The following LGSN variants were observed in gnomAD, a reference collection of about 807,000 sequenced individuals.
LGSN encodes the protein lengsin, lens protein with glutamine synthetase domain.
Under a neutral mutation model 19.5 loss-of-function variants are expected in LGSN, and 21 were observed. The observed-to-expected ratio is 1.07, with a 90% CI of 0.76 to 1.55. The LOEUF is 1.55. LGSN is among the 40% of genes most tolerant of loss of function. LGSN has a pLI of 0.00. For missense variants in LGSN, 673 were observed against 608.5 expected (o/e 1.11, Z -1.12); for synonymous variants, 257 against 215.6 (o/e 1.19, Z -1.68).
chr6:63,313,837 AAAATAAATAAAT>A (rs56286412), intron 1 of LGSN, among the ~76,000 whole-genome samples: 12 of 147,652 alleles, frequency 8.1e-5, no homozygotes, highest in South Asian at 4.3e-4. Context: ...CCCTGTCTCA[AAAATAAATAAAT>A]AAATAAATAA....
chr6:63,372,696 A>G, the LGSN span, among the ~76,000 whole-genome samples: 1 of 152,184 alleles, frequency 6.6e-6, no homozygotes, highest in Non-Finnish European at 1.5e-5. Context: ...TATATCAGCA[A>G]AGTCCTTATC....
At chr6:63,559,809 C>T in the LGSN span, among the ~76,000 whole-genome samples, 1 of 152,224 alleles carries the variant, frequency 6.6e-6, no homozygotes, top group East Asian at 1.9e-4. Context: ...AATACTAGCA[C>T]TTTGGGAGTC....
chr6:63,460,874 C>T, the LGSN span, among the ~76,000 whole-genome samples: 17 of 152,274 alleles, frequency 1.1e-4, no homozygotes, highest in African/African-American at 4.1e-4. Context: ...ACACCCAAAA[C>T]AGTAGCCAAT....
At chr6:63,517,469 A>G in the LGSN span, among the ~76,000 whole-genome samples, 1 of 152,338 alleles carries the variant, frequency 6.6e-6, no homozygotes, top group Non-Finnish European at 1.5e-5. Flanking sequence ...AAAGGTATGC[A>G]CACATGATGC....
chr6:63,315,213 G>C (rs1375652150), intron 1 of LGSN, among the ~76,000 whole-genome samples: 1 of 152,140 alleles, frequency 6.6e-6, no homozygotes, highest in Non-Finnish European at 1.5e-5. Context: ...CCATGTTGAA[G>C]TATAAGGCCA....
chr6:63,549,303 A>T, the LGSN span: 2 of 753,932 alleles, frequency 2.7e-6, 1 homozygote, highest in South Asian at 2.7e-5. Context: ...CTTACAGAGG[A>T]TGGCTCTCTG....
At chr6:63,378,516 A>G in the LGSN span, among the ~76,000 whole-genome samples, 1 of 152,216 alleles carries the variant, frequency 6.6e-6, no homozygotes, top group Non-Finnish European at 1.5e-5. Flanking sequence ...TGAGTAATTT[A>G]TAAAGAAAAT....
chr6:63,289,039 C>T (rs1281549837), intron 2 of LGSN, among the ~76,000 whole-genome samples: 1 of 152,230 alleles, frequency 6.6e-6, no homozygotes, highest in Non-Finnish European at 1.5e-5. Flanking sequence ...ACACTGTATA[C>T]TCACATGTTC....
chr6:63,346,309 C>T, the LGSN span, among the ~76,000 whole-genome samples: 1 of 151,914 alleles, frequency 6.6e-6, no homozygotes, highest in Non-Finnish European at 1.5e-5. Flanking sequence ...ACCCCACCAT[C>T]GTCCTGAAAG....
At chr6:63,569,731 T>C in the LGSN span, among the ~76,000 whole-genome samples, 1 of 152,224 alleles carries the variant, frequency 6.6e-6, no homozygotes, top group South Asian at 2.1e-4. Context: ...GAGAAAATCC[T>C]CTATTTTAGA....
chr6:63,568,102 A>C, the LGSN span, among the ~76,000 whole-genome samples: 1 of 152,182 alleles, frequency 6.6e-6, no homozygotes, highest in Non-Finnish European at 1.5e-5. Context: ...ATCAACAATG[A>C]GGCTGTTTCA....
chr6:63,404,266 A>G, the LGSN span, among the ~76,000 whole-genome samples: 10 of 152,214 alleles, frequency 6.6e-5, no homozygotes, highest in Non-Finnish European at 1.5e-4. Flanking sequence ...AACTTAAAAT[A>G]CAATCATGGG....
the LGSN span, among the ~76,000 whole-genome samples, chr6:63,379,928 C>T: frequency 6.6e-6 from 1 of 152,016 alleles, no homozygotes; most frequent in African/African-American, 2.4e-5. Flanking sequence ...ACCTCTGCCT[C>T]CCGAGTTCAA....
chr6:63,332,176 G>A, the LGSN span, among the ~76,000 whole-genome samples: 11 of 152,260 alleles, frequency 7.2e-5, 1 homozygote, highest in East Asian at 1.9e-3. Context: ...GGCAAAAATT[G>A]TGTCTTTCTG....
the LGSN span, among the ~76,000 whole-genome samples, chr6:63,499,813 T>C: frequency 6.6e-6 from 1 of 152,108 alleles, no homozygotes; most frequent in Non-Finnish European, 1.5e-5. Context: ...AGGTTGTATT[T>C]GGAATTAGCA....
chr6:63,429,242 G>A, the LGSN span, among the ~76,000 whole-genome samples: 2 of 152,070 alleles, frequency 1.3e-5, no homozygotes, highest in Admixed American at 6.6e-5. Context: ...TAAATATTGG[G>A]ACTATATGAA....
chr6:63,464,795 GGCA>G, the LGSN span, among the ~76,000 whole-genome samples: 1 of 151,938 alleles, frequency 6.6e-6, no homozygotes, highest in African/African-American at 2.4e-5. Flanking sequence ...GGGAGGCCGA[GGCA>G]GGTGGATCAC....
intron 1 of LGSN, among the ~76,000 whole-genome samples, chr6:63,311,195 C>T (rs180948726): frequency 1.1e-3 from 175 of 152,186 alleles, no homozygotes; most frequent in African/African-American, 4.1e-3. Context: ...TTGATCATAC[C>T]GGTTTAAAAT....
the LGSN span, among the ~76,000 whole-genome samples, chr6:63,325,127 G>C: frequency 0.019 from 2,712 of 139,438 alleles, 52 homozygotes; most frequent in South Asian, 0.088. Flanking sequence ...AAAAAAAGGA[G>C]AAAATTTTCA....
Sources: gnomAD v4.1 joint callset for allele counts (sites outside exome capture counted in the v4.1 genomes callset) on GRCh38, gnomAD v4.1.1 for gene constraint, MANE v1.5 for transcripts, NCBI Gene and HGNC (gene_info 2026-07-23, HGNC 2026-07-21) for gene names.